GRHL1: variants seen among roughly 807,000 people sequenced by gnomAD.
The protein encoded by GRHL1 is grainyhead like transcription factor 1, also known as grainyhead-like protein 1 homolog.
Under a neutral mutation model 75.7 loss-of-function variants are expected in GRHL1, and 38 were observed. The observed-to-expected ratio is 0.50, with a 90% CI of 0.39 to 0.66. The LOEUF (loss-of-function observed/expected upper bound fraction) is 0.66. Ranked by LOEUF, GRHL1 falls within the 30% of genes least tolerant of loss-of-function variation. The pLI, the probability that GRHL1 is intolerant of heterozygous loss-of-function variation, is 0.00. For missense variants in GRHL1, 589 were observed against 767.5 expected, an observed-to-expected ratio of 0.77 and a Z score of 2.75; for synonymous variants, 266 against 279.4, an observed-to-expected ratio of 0.95 and a Z score of 0.48.
chr2:9,972,215 T>G (rs1176945319), intron 8 of GRHL1, among the ~76,000 whole-genome samples: 4 of 151,306 alleles, frequency 2.6e-5, no homozygotes, highest in Admixed American at 2.0e-4. Context: ...TTTGGTCAAA[T>G]TTTTCCCCTT....
intron 8 of GRHL1, among the ~76,000 whole-genome samples, chr2:9,969,776 A>G (rs908970075): frequency 2.6e-5 from 4 of 152,068 alleles, no homozygotes; most frequent in Admixed American, 6.6e-5. Flanking sequence ...AGCTGCGGTC[A>G]AAGGAAATTG....
intron 8 of GRHL1, among the ~76,000 whole-genome samples, chr2:9,969,772 G>A (rs1337198850): frequency 2.6e-5 from 4 of 151,944 alleles, no homozygotes; most frequent in Admixed American, 1.3e-4. Context: ...AAACAGCTGC[G>A]GTCAAAGGAA....
At position 9,961,268 on chromosome 2, in the gene GRHL1, T is replaced by C. The variant is rs1159239774; in HGVS notation, c.501T>C (p.Ala167=). The C allele has an allele frequency of 6.2e-7, 1 of 1,614,200 alleles. No individual in the cohort carries two copies. The highest frequency in any genetic ancestry group is 2.2e-5 in the East Asian group (1 of 44,888). The change falls in exon 4 of 16, where the codon GCT becomes GCC. Residue 167 remains alanine, a synonymous_variant. Coordinates refer to ENST00000324907, the MANE Select transcript of GRHL1 (RefSeq NM_198182.3). ...CAGAAACCCAGCCACATGGCTTCGCTGTGGGAATCCCCCCAGCAGTGTATC... is the reference window on the plus strand; with the variant it reads ...CAGAAACCCAGCCACATGGCTTCGCCGTGGGAATCCCCCCAGCAGTGTATC... ...IKTETQPHGF[A]VGIPPAVYHP...
chr2:9,970,705 C>A (rs1182718829), intron 8 of GRHL1, among the ~76,000 whole-genome samples: 1 of 152,178 alleles, frequency 6.6e-6, no homozygotes, highest in African/African-American at 2.4e-5. Context: ...AATCAGAGCG[C>A]CTTGTTCCCT....
intron 3 of GRHL1, chr2:9,960,062 A>G (rs1015400829): frequency 6.6e-6 from 1 of 152,198 alleles, no homozygotes; most frequent in Non-Finnish European, 1.5e-5. Flanking sequence ...GTATTGCTCA[A>G]ATTATTTATC....
intron 4 of GRHL1, among the ~76,000 whole-genome samples, chr2:9,962,002 C>T (rs537990435): frequency 6.6e-6 from 1 of 152,222 alleles, no homozygotes; most frequent in East Asian, 1.9e-4. Flanking sequence ...AAAGAGCATC[C>T]ATCTCTGCGT....
intron 8 of GRHL1, among the ~76,000 whole-genome samples, chr2:9,974,763 T>C: frequency 6.6e-6 from 1 of 152,266 alleles, no homozygotes; most frequent in East Asian, 1.9e-4. Flanking sequence ...GGGAGTCAGC[T>C]TCCCGAACTA....
intron 8 of GRHL1, among the ~76,000 whole-genome samples, chr2:9,974,850 G>A (rs1056004822): frequency 2.0e-5 from 3 of 152,196 alleles, no homozygotes; most frequent in African/African-American, 4.8e-5. Context: ...AATGACTGAA[G>A]CATAAAGCCT....
intron 8 of GRHL1, among the ~76,000 whole-genome samples, chr2:9,973,757 T>G (rs927373274): frequency 6.6e-6 from 1 of 152,216 alleles, no homozygotes; most frequent in African/African-American, 2.4e-5. Flanking sequence ...TAGGTTACTT[T>G]CTGAAATGAT....
intron 10 of GRHL1, among the ~76,000 whole-genome samples, chr2:9,991,399 T>C (rs1668638084): frequency 6.6e-6 from 1 of 152,200 alleles, no homozygotes; most frequent in Non-Finnish European, 1.5e-5. Context: ...AACACCTTAG[T>C]CAGGATTCTC....
intron 8 of GRHL1, among the ~76,000 whole-genome samples, chr2:9,971,223 C>T (rs182802376): frequency 3.3e-5 from 5 of 152,268 alleles, no homozygotes; most frequent in African/African-American, 1.2e-4. Flanking sequence ...GTGAAGCACC[C>T]GTCAAGTCTG....
At chr2:9,995,588 A>AG (rs1668826394) in intron 12 of GRHL1, among the ~76,000 whole-genome samples, 1 of 141,588 alleles carries the variant, frequency 7.1e-6, no homozygotes, top group Admixed American at 7.0e-5. Context: ...CTGTCTCACA[A>AG]AAAAAAAAAA....
At chr2:9,957,432 CAG>C (rs1352804026) in intron 2 of GRHL1, among the ~76,000 whole-genome samples, 2 of 146,028 alleles carry the variant, frequency 1.4e-5, no homozygotes, top group Non-Finnish European at 3.0e-5. Context: ...TTTTTTGATA[CAG>C]AGTCTCGCTC....
rs1447996299 is a variant in GRHL1 at position 9,988,506 on chromosome 2, G to A, written c.1270-2190G>A. On this transcript the variant is annotated intron_variant, in intron 9 of 15. Transcript: ENST00000324907. ...CCTTGGGCAGCTTCCTGGTACCTGT[G>A]TACCTGTTGGTACCCGGCCACGTAC... Among the ~76,000 whole-genome samples the A allele has an allele frequency of 2.0e-5, 3 of 152,108 alleles. No individual in the cohort carries two copies. In the East Asian group the frequency reaches 5.8e-4, roughly 29 times the overall value.
At chr2:9,982,371 C>T (rs575851961) in intron 8 of GRHL1, among the ~76,000 whole-genome samples, 1 of 151,044 alleles carries the variant, frequency 6.6e-6, no homozygotes, top group South Asian at 2.1e-4. Flanking sequence ...GCCAATCACT[C>T]GAATTACTCG....
chr2:10,000,464 C>A, intron 15 of GRHL1, 129 bp from the exon 16 acceptor site: 1 of 642,950 alleles, frequency 1.6e-6, no homozygotes, highest in Non-Finnish European at 2.9e-6. Context: ...GAAGTTGAGG[C>A]TTAAGGAGAT....
chr2:9,975,245 C>A (rs1667898668), intron 8 of GRHL1, among the ~76,000 whole-genome samples: 1 of 152,176 alleles, frequency 6.6e-6, no homozygotes, highest in South Asian at 2.1e-4. Flanking sequence ...AGGGATAAAC[C>A]TGTATTTGTC....
chr2:9,996,808 C>T (rs6705493), intron 14 of GRHL1, among the ~76,000 whole-genome samples: 58,378 of 152,024 alleles, frequency 0.38, 11,503 homozygotes, highest in Admixed American at 0.47. Context: ...ACTGAACTTG[C>T]ATCAAGACCT....
In GRHL1 at chr2:9,995,976, T is replaced by C. The variant is rs1258037696; in HGVS notation, c.1591+6T>C. 6.5e-7 allele frequency: 1 copy of C among 1,543,968 alleles called. No individual in the cohort carries two copies. The highest frequency in any genetic ancestry group is 9.0e-7 in the Non-Finnish European group (1 of 1,116,366). On this transcript the variant is annotated splice_donor_region_variant and intron_variant, in intron 13 of 15. Coordinates refer to ENST00000324907, the MANE Select transcript of GRHL1 (RefSeq NM_198182.3). The stretch of plus-strand genomic sequence containing the variant: ...GATAGAAGAACCAAAGAGAGGTGTG[T>C]TCGTTTCCATTTCTTAGTGGGAGTT...
Sources: allele counts gnomAD v4.1 joint callset (sites outside exome capture counted in the v4.1 genomes callset), GRCh38; gene constraint gnomAD v4.1.1; transcripts MANE v1.5; gene names NCBI Gene and HGNC (gene_info 2026-07-23, HGNC 2026-07-21).